The following XKR9 variants were observed in gnomAD, a reference collection of about 807,000 sequenced individuals.
The protein encoded by XKR9 is XK-related protein 9.
In XKR9, 32 loss-of-function variants were observed where a neutral mutation model predicts 32.0. That is an observed-to-expected ratio of 1.00 (90% CI 0.76 to 1.34). The LOEUF (loss-of-function observed/expected upper bound fraction) is 1.34, where lower values mean the gene tolerates loss of function less well. Among genes scored for constraint, XKR9 ranks in the 40% most tolerant of loss-of-function variants. The probability of loss-of-function intolerance (pLI) is 0.00; values close to 1 mark genes in which losing one functional copy is unlikely to be tolerated. For synonymous variants in XKR9, 168 were observed against 143.4 expected, an observed-to-expected ratio of 1.17 and a Z score of -1.22; for missense variants, 546 against 429.7, an observed-to-expected ratio of 1.27 and a Z score of -2.39.
the XKR9 span, among the ~76,000 whole-genome samples, chr8:70,867,862 C>T: frequency 5.4e-4 from 82 of 152,302 alleles, no homozygotes; most frequent in Middle Eastern, 3.4e-3. Flanking sequence ...AAATCAAGAG[C>T]AGGTTAGTTA....
the XKR9 span, among the ~76,000 whole-genome samples, chr8:70,940,499 T>A: frequency 6.6e-6 from 1 of 152,048 alleles, no homozygotes; most frequent in African/African-American, 2.4e-5. Flanking sequence ...CAAGACAGGG[T>A]TAATTATACT....
intron 2 of XKR9, among the ~76,000 whole-genome samples, chr8:70,755,701 T>C (rs1293673695): frequency 7.0e-6 from 1 of 142,716 alleles, no homozygotes; most frequent in Non-Finnish European, 1.5e-5. Flanking sequence ...TAGATGGGAA[T>C]TGAATAATGA....
Position 70,681,404 on chromosome 8 carries a change from G to C in XKR9, c.272+74G>C, listed in dbSNP as rs905594584. On this transcript the variant is annotated intron_variant, in intron 3 of 4. Coordinates refer to ENST00000408926, the MANE Select transcript of XKR9 (RefSeq NM_001011720.2). Reference sequence around the variant, plus strand: ...GAAGCTACCATTTTGTATCTTATCTGGGTAGTCAAATGTACAAAGATCCCT... The same window carrying C: ...GAAGCTACCATTTTGTATCTTATCTCGGTAGTCAAATGTACAAAGATCCCT... 6.0e-6 allele frequency: 9 copies of C among 1,507,894 alleles called. No individual in the cohort carries two copies. The African/African-American group carries it at 1.3e-4, about 21-fold the overall frequency. The allele number at this position is 1,507,894 out of a possible 1,614,324, so 93.4% of individuals were successfully genotyped here.
chr8:70,969,015 C>T, the XKR9 span, among the ~76,000 whole-genome samples: 62 of 152,280 alleles, frequency 4.1e-4, no homozygotes, highest in East Asian at 7.5e-3. Context: ...TCAGACCTCC[C>T]GGACTCTAAA....
the XKR9 span, among the ~76,000 whole-genome samples, chr8:70,942,808 C>G: frequency 6.6e-6 from 1 of 152,050 alleles, no homozygotes; most frequent in African/African-American, 2.4e-5. Flanking sequence ...ACAAAATAAG[C>G]TCTTAATTAC....
the XKR9 span, among the ~76,000 whole-genome samples, chr8:71,055,881 T>C: frequency 2.6e-5 from 4 of 152,332 alleles, no homozygotes; most frequent in South Asian, 8.3e-4. Flanking sequence ...CATAGTAGAG[T>C]ATGAATAGAT....
At chr8:70,978,450 C>A in the XKR9 span, among the ~76,000 whole-genome samples, 1 of 152,168 alleles carries the variant, frequency 6.6e-6, no homozygotes, top group Non-Finnish European at 1.5e-5. Context: ...AATCTCTCAG[C>A]ATTTGCTTGT....
the XKR9 span, among the ~76,000 whole-genome samples, chr8:70,888,190 T>C: frequency 6.6e-6 from 1 of 152,122 alleles, no homozygotes; most frequent in Middle Eastern, 3.4e-3. Context: ...TTAACCAGTC[T>C]CTTAGTGATG....
At chr8:70,743,387 G>C (rs980529850) in intron 2 of XKR9, among the ~76,000 whole-genome samples, 3 of 152,016 alleles carry the variant, frequency 2.0e-5, no homozygotes, top group Non-Finnish European at 4.4e-5. Flanking sequence ...TTTTGGGATT[G>C]GTCTCCATTC....
At chr8:70,871,049 G>A in the XKR9 span, among the ~76,000 whole-genome samples, 1 of 152,094 alleles carries the variant, frequency 6.6e-6, no homozygotes, top group Non-Finnish European at 1.5e-5. Flanking sequence ...GTTATTTCAA[G>A]TTGTAATTTA....
the XKR9 span, among the ~76,000 whole-genome samples, chr8:70,950,845 T>G: frequency 6.6e-6 from 1 of 152,050 alleles, no homozygotes; most frequent in African/African-American, 2.4e-5. Context: ...AGCTAATTTT[T>G]GAATTTTTAG....
At chr8:70,783,345 G>A (rs1047555472) in intron 2 of XKR9, among the ~76,000 whole-genome samples, 2 of 151,730 alleles carry the variant, frequency 1.3e-5, no homozygotes, top group Non-Finnish European at 2.9e-5. Context: ...TCCTGCCTCA[G>A]CCTCCCAAGT....
chr8:70,863,733 G>C, the XKR9 span, among the ~76,000 whole-genome samples: 1 of 152,140 alleles, frequency 6.6e-6, no homozygotes, highest in Non-Finnish European at 1.5e-5. Context: ...GCATGTACCA[G>C]GGTGACAGCA....
At chr8:70,984,478 G>A in the XKR9 span, among the ~76,000 whole-genome samples, 1 of 152,128 alleles carries the variant, frequency 6.6e-6, no homozygotes. Context: ...GTTGTTCTGG[G>A]AAATAAAGAC....
the XKR9 span, among the ~76,000 whole-genome samples, chr8:70,967,252 G>C: frequency 6.6e-6 from 1 of 151,920 alleles, no homozygotes; most frequent in African/African-American, 2.4e-5. Context: ...ATGTTTTTTA[G>C]TAGAGACGGG....
At chr8:70,727,993 A>C (rs1586864163) in intron 4 of XKR9, among the ~76,000 whole-genome samples, 1 of 152,142 alleles carries the variant, frequency 6.6e-6, no homozygotes, top group East Asian at 1.9e-4. Context: ...TATAATTTCT[A>C]ATCTCGTGGC....
the XKR9 span, among the ~76,000 whole-genome samples, chr8:70,836,380 T>C: frequency 6.6e-6 from 1 of 152,038 alleles, no homozygotes; most frequent in East Asian, 1.9e-4. Context: ...ACCACTGTTC[T>C]GTGTGTGTGT....
chr8:70,775,592 T>A (rs184082420), intron 2 of XKR9, among the ~76,000 whole-genome samples: 9 of 152,302 alleles, frequency 5.9e-5, no homozygotes, highest in Admixed American at 5.9e-4. Context: ...GTTAGTATGG[T>A]GGATTATATT....
the XKR9 span, among the ~76,000 whole-genome samples, chr8:70,822,902 G>T: frequency 2.6e-5 from 4 of 152,066 alleles, no homozygotes; most frequent in African/African-American, 9.6e-5. Flanking sequence ...AACACATAAG[G>T]GTTCTTATAA....
Sources: gnomAD v4.1 joint callset for allele counts (sites outside exome capture counted in the v4.1 genomes callset) on GRCh38, gnomAD v4.1.1 for gene constraint, MANE v1.5 for transcripts, NCBI Gene and HGNC (gene_info 2026-07-23, HGNC 2026-07-21) for gene names.